CARF: variants seen among roughly 807,000 people sequenced by gnomAD.
The protein encoded by CARF is calcium responsive transcription factor, also known as calcium-responsive transcription factor.
CARF carries 57 observed loss-of-function variants against 82.0 expected under a neutral mutation model. The observed-to-expected ratio is 0.70, with a 90% CI of 0.56 to 0.87. CARF has a LOEUF of 0.87. CARF is among the 40% of genes least tolerant of loss of function. The probability of loss-of-function intolerance (pLI) is 0.00; values close to 1 mark genes in which losing one functional copy is unlikely to be tolerated. For missense variants in CARF, 771 were observed against 855.8 expected, an observed-to-expected ratio of 0.90 and a Z score of 1.24; for synonymous variants, 268 against 290.1, an observed-to-expected ratio of 0.92 and a Z score of 0.77.
At chr2:202,934,885 G>A (rs1693614736) in intron 3 of CARF, among the ~76,000 whole-genome samples, 1 of 151,646 alleles carries the variant, frequency 6.6e-6, no homozygotes, top group African/African-American at 2.4e-5. Context: ...ATACCAGCCT[G>A]GCCAACATGG....
At chr2:202,913,983 T>G (rs1294662950) in intron 1 of CARF, among the ~76,000 whole-genome samples, 2 of 152,184 alleles carry the variant, frequency 1.3e-5, no homozygotes, top group Non-Finnish European at 2.9e-5. Context: ...GACCTTTAGT[T>G]AAGGAAAGAT....
chr2:202,956,354 C>G (rs556993866), intron 8 of CARF, among the ~76,000 whole-genome samples: 1 of 152,188 alleles, frequency 6.6e-6, no homozygotes, highest in African/African-American at 2.4e-5. Context: ...CTCCTGGGTT[C>G]AAGCGATTCT....
intron 3 of CARF, among the ~76,000 whole-genome samples, chr2:202,939,575 TTC>T (rs1404891517): frequency 1.1e-4 from 16 of 152,146 alleles, no homozygotes; most frequent in African/African-American, 3.6e-4. Flanking sequence ...ACATTTTATG[TTC>T]TGTTTTTGCT....
intron 5 of CARF, 32 bp downstream of exon 5, chr2:202,942,999 G>A (rs975639774): frequency 6.5e-6 from 10 of 1,545,678 alleles, no homozygotes; most frequent in Non-Finnish European, 8.9e-6. Flanking sequence ...CCAGTTTTAT[G>A]CCGTTTAGCA....
At chr2:202,914,677 G>T (rs1414812551) in intron 1 of CARF, among the ~76,000 whole-genome samples, 7 of 151,528 alleles carry the variant, frequency 4.6e-5, no homozygotes, top group Non-Finnish European at 1.0e-4. Flanking sequence ...TACTGGGGAG[G>T]CTGAGGCAGG....
intron 7 of CARF, among the ~76,000 whole-genome samples, chr2:202,955,052 A>AATTTGTTTTATCACATTTTTATGCTTTTT (rs1559237951): frequency 7.9e-5 from 12 of 152,004 alleles, no homozygotes; most frequent in African/African-American, 2.7e-4. Flanking sequence ...CTAAATTTTT[A>AATTTGTTTTATCACATTTTTATGCTTTTT]AATTTGTTTT....
chr2:202,964,683 G>T (rs1357121711), intron 9 of CARF, among the ~76,000 whole-genome samples: 3 of 151,638 alleles, frequency 2.0e-5, no homozygotes, highest in Non-Finnish European at 4.4e-5. Context: ...ATGACTCTAG[G>T]TATCTATCTT....
chr2:202,964,237 T>C (rs1161002982), intron 9 of CARF, among the ~76,000 whole-genome samples: 1 of 152,156 alleles, frequency 6.6e-6, no homozygotes, highest in African/African-American at 2.4e-5. Context: ...CCACTTTTAC[T>C]TCATGACTTA....
chr2:202,962,863 GT>G, intron 9 of CARF: 1 of 152,072 alleles, frequency 6.6e-6, no homozygotes, highest in South Asian at 2.1e-4. Context: ...CATCATTTAG[GT>G]TGTTTCCAAC....
At chr2:202,918,590 G>C (rs570093422) in intron 2 of CARF, among the ~76,000 whole-genome samples, 2 of 152,118 alleles carry the variant, frequency 1.3e-5, no homozygotes, top group Non-Finnish European at 2.9e-5. Flanking sequence ...TTAATTGGCA[G>C]TTAGGGATAA....
At chr2:202,915,872 C>T (rs560965333) in intron 1 of CARF, among the ~76,000 whole-genome samples, 2 of 149,608 alleles carry the variant, frequency 1.3e-5, no homozygotes, top group African/African-American at 2.5e-5. Context: ...ACTCCCAAAG[C>T]GCTGGGATTA....
intron 3 of CARF, among the ~76,000 whole-genome samples, chr2:202,932,954 G>A (rs1028247586): frequency 4.6e-5 from 7 of 152,260 alleles, no homozygotes; most frequent in Middle Eastern, 3.4e-3. Context: ...TTCTCCAGGG[G>A]CCCATGTGCT....
At position 202,942,813 on chromosome 2, in the gene CARF, C is replaced by G. The variant is rs1330310844; in HGVS notation, c.152C>G (p.Thr51Ser). The G allele has an allele frequency of 1.2e-6, 2 of 1,613,974 alleles. No homozygotes were observed. Among genetic ancestry groups the G allele is most frequent in the Admixed American group, 3.3e-5 (2 of 60,008 alleles). ...TCTCCTACAGTTTTGCCCATCACTACTCGTGAAGCAAATAATTCACTCATA... is the reference window on the plus strand; with the variant it reads ...TCTCCTACAGTTTTGCCCATCACTAGTCGTGAAGCAAATAATTCACTCATA... ...NDSPTVLPITTREANNSLISQ... is the reference protein window; with the variant it reads ...NDSPTVLPITSREANNSLISQ... The change falls in exon 5 of 17, where the codon ACT becomes AGT. Residue 51 changes from threonine (T) to serine (S), a missense_variant. Transcript: ENST00000438828.
Position 202,987,293 on chromosome 2 carries a change from A to G in CARF, c.*3669A>G, listed in dbSNP as rs1574836468. 9.2e-6 allele frequency among the ~76,000 whole-genome samples: 1 copy of G among 109,176 alleles called. No homozygotes were observed. Among genetic ancestry groups the G allele is most frequent in the African/African-American group, 3.5e-5 (1 of 28,188 alleles). The allele number at this position is 109,176 out of a possible 152,430, so 71.6% of individuals were successfully genotyped here. On this transcript the variant is annotated 3_prime_UTR_variant, in exon 17 of 17. Transcript: ENST00000438828. ...CCATGACATTTTCAAGTATAGCTTT[A>G]TATTTTAGGAGTAATGACAAAGTAT...
Position 202,971,495 on chromosome 2 carries a change from C to A in CARF, c.1098-10C>A, listed in dbSNP as rs1355763332. 5 of 1,486,578 alleles carry A rather than the reference C, an allele frequency of 3.4e-6. No homozygotes were observed. Among genetic ancestry groups the A allele is most frequent in the Non-Finnish European group, 4.6e-6 (5 of 1,083,400 alleles). 92.1% of individuals were successfully genotyped at this position (1,486,578 alleles called of 1,614,324 possible). ...AAATTTTAGTAATTTTAAATATTTT[C>A]TCTTACCAGGTGGTATGTACAGTTA... On this transcript the variant is annotated splice_polypyrimidine_tract_variant and intron_variant, in intron 11 of 16. Transcript: ENST00000438828.
chr2:202,926,355 A>G (rs1691823121), intron 3 of CARF, among the ~76,000 whole-genome samples: 2 of 152,198 alleles, frequency 1.3e-5, no homozygotes, highest in Non-Finnish European at 1.5e-5. Context: ...ACCTAGTTCA[A>G]TTGTTTTTTC....
intron 3 of CARF, among the ~76,000 whole-genome samples, chr2:202,927,844 G>T (rs1056728040): frequency 6.7e-6 from 1 of 148,472 alleles, no homozygotes; most frequent in Non-Finnish European, 1.5e-5. Flanking sequence ...TTGTCCCCTA[G>T]GCTGGAGTGC....
intron 5 of CARF, among the ~76,000 whole-genome samples, chr2:202,948,831 C>G (rs1396528249): frequency 6.6e-6 from 1 of 152,078 alleles, no homozygotes; most frequent in South Asian, 2.1e-4. Context: ...ATCTGGATGC[C>G]CTTTATTTCT....
intron 1 of CARF, among the ~76,000 whole-genome samples, chr2:202,915,044 G>A (rs1689362970): frequency 6.6e-6 from 1 of 151,668 alleles, no homozygotes; most frequent in African/African-American, 2.4e-5. Context: ...TTTTTTCAGA[G>A]TCTCCCTCTG....
Sources: gnomAD v4.1 joint callset for allele counts (sites outside exome capture counted in the v4.1 genomes callset) on GRCh38, gnomAD v4.1.1 for gene constraint, MANE v1.5 for transcripts, NCBI Gene and HGNC (gene_info 2026-07-23, HGNC 2026-07-21) for gene names.